Variants in CSRNP3 observed in about 807,000 individuals in gnomAD.
The protein encoded by CSRNP3 is cysteine and serine rich nuclear protein 3.
CSRNP3 carries 12 observed loss-of-function variants against 48.0 expected under a neutral mutation model. That is an observed-to-expected ratio of 0.25 (90% confidence interval 0.16 to 0.41). The LOEUF (loss-of-function observed/expected upper bound fraction) is 0.41. Among genes scored for constraint, CSRNP3 ranks in the 10% least tolerant of loss-of-function variants. CSRNP3 has a pLI of 1.00. For missense variants in CSRNP3, 580 were observed against 724.4 expected (o/e 0.80, Z 2.29); for synonymous variants, 263 against 269.7 (o/e 0.98, Z 0.24).
chr2:165,615,509 C>T (rs1316397014), intron 4 of CSRNP3, among the ~76,000 whole-genome samples: 2 of 150,166 alleles, frequency 1.3e-5, no homozygotes, highest in Non-Finnish European at 3.0e-5. Context: ...CGCCACTGCA[C>T]TCTAGCCTCG....
intron 4 of CSRNP3, among the ~76,000 whole-genome samples, chr2:165,631,898 G>A (rs1252065637): frequency 6.6e-6 from 1 of 152,196 alleles, no homozygotes; most frequent in Non-Finnish European, 1.5e-5. Flanking sequence ...AAAGCCAAAT[G>A]GTTAATATCT....
At chr2:165,531,790 A>C (rs1684814569) in intron 3 of CSRNP3, among the ~76,000 whole-genome samples, 1 of 152,188 alleles carries the variant, frequency 6.6e-6, no homozygotes. Flanking sequence ...TGAAAAGATC[A>C]ACAAAATTGA....
chr2:165,532,085 A>G (rs1684820652), intron 3 of CSRNP3, among the ~76,000 whole-genome samples: 1 of 152,176 alleles, frequency 6.6e-6, no homozygotes, highest in Non-Finnish European at 1.5e-5. Flanking sequence ...CCAACCAAAA[A>G]AAGTCCAGGA....
intron 2 of CSRNP3, among the ~76,000 whole-genome samples, chr2:165,495,889 ACTCACCAAAACAG>A (rs1684277370): frequency 6.6e-6 from 1 of 151,868 alleles, no homozygotes; most frequent in African/African-American, 2.4e-5. Context: ...GGGAGTTTAA[ACTCACCAAAACAG>A]CCTTAATGGG....
intron 3 of CSRNP3, among the ~76,000 whole-genome samples, chr2:165,579,992 A>G (rs1447674371): frequency 7.3e-6 from 1 of 136,838 alleles, no homozygotes; most frequent in African/African-American, 2.8e-5. Flanking sequence ...GCAATGGCGT[A>G]ATCTCGGCTC....
intron 3 of CSRNP3, among the ~76,000 whole-genome samples, chr2:165,545,663 G>T (rs1685014607): frequency 1.3e-5 from 2 of 152,072 alleles, no homozygotes; most frequent in Non-Finnish European, 1.5e-5. Context: ...TTTACTCTGT[G>T]TACCTGGTGC....
At chr2:165,674,681 AATATATATATATAT>A (rs59117817) in intron 5 of CSRNP3, among the ~76,000 whole-genome samples, 23 of 103,232 alleles carry the variant, frequency 2.2e-4, no homozygotes, top group African/African-American at 4.7e-4. Flanking sequence ...AATACTTCTG[AATATATATATATAT>A]ATATATATAT....
intron 3 of CSRNP3, among the ~76,000 whole-genome samples, chr2:165,560,717 C>T (rs1685223738): frequency 6.6e-6 from 1 of 152,166 alleles, no homozygotes; most frequent in Non-Finnish European, 1.5e-5. Flanking sequence ...GTTCAGTAAT[C>T]AGGTGTACTC....
intron 2 of CSRNP3, among the ~76,000 whole-genome samples, chr2:165,516,714 C>T (rs1235807205): frequency 3.3e-5 from 5 of 152,044 alleles, no homozygotes; most frequent in Admixed American, 2.6e-4. Context: ...ACTCAATAAC[C>T]TCTATTAGCT....
chr2:165,505,186 G>A (rs1403883336), intron 2 of CSRNP3, among the ~76,000 whole-genome samples: 8 of 151,882 alleles, frequency 5.3e-5, no homozygotes, highest in African/African-American at 9.7e-5. Context: ...AAGTCAAAAC[G>A]AAAAAACAAG....
At chr2:165,523,382 C>T (rs1684689332) in intron 3 of CSRNP3, among the ~76,000 whole-genome samples, 1 of 152,146 alleles carries the variant, frequency 6.6e-6, no homozygotes, top group African/African-American at 2.4e-5. Flanking sequence ...CAACCTCTTT[C>T]TTCACCACCA....
intron 2 of CSRNP3, among the ~76,000 whole-genome samples, chr2:165,505,958 G>A (rs1684420211): frequency 6.6e-6 from 1 of 152,076 alleles, no homozygotes; most frequent in African/African-American, 2.4e-5. Flanking sequence ...ATCTATCTTA[G>A]ATAAAACAGA....
At chr2:165,632,241 G>A (rs1686549926) in intron 4 of CSRNP3, among the ~76,000 whole-genome samples, 1 of 152,190 alleles carries the variant, frequency 6.6e-6, no homozygotes, top group Non-Finnish European at 1.5e-5. Context: ...AAAGTGAAGT[G>A]CCAGGCATGG....
Position 165,679,890 on chromosome 2 carries a change from T to C in CSRNP3, c.*137T>C. On this transcript the variant is annotated 3_prime_UTR_variant, in exon 7 of 7. Coordinates refer to ENST00000651982, the MANE Select transcript of CSRNP3 (RefSeq NM_001172173.2). ...GTTAATCTTCCAGACTGTATTTTGT[T>C]TTTTCCTTTCTAGCCACATGACTGT... 7.8e-7 allele frequency: 1 copy of C among 1,276,864 alleles called. No individual in the cohort carries two copies. 79.1% of individuals were successfully genotyped at this position (1,276,864 alleles called of 1,614,324 possible). A position where few individuals can be genotyped will look rare whatever the true frequency, so the allele number is the denominator to read the frequency against.
intron 1 of CSRNP3, among the ~76,000 whole-genome samples, chr2:165,472,788 T>G (rs1195785493): frequency 6.6e-6 from 1 of 152,104 alleles, no homozygotes; most frequent in Non-Finnish European, 1.5e-5. Context: ...TCTATTAGAT[T>G]CAATGTTAGC....
intron 4 of CSRNP3, among the ~76,000 whole-genome samples, chr2:165,631,869 A>G (rs1357675729): frequency 6.6e-6 from 1 of 152,266 alleles, no homozygotes; most frequent in Non-Finnish European, 1.5e-5. Flanking sequence ...AACTAGTTTC[A>G]AGAGACTGAA....
At chr2:165,580,922 A>T (rs1182688170) in intron 3 of CSRNP3, among the ~76,000 whole-genome samples, 1 of 151,714 alleles carries the variant, frequency 6.6e-6, no homozygotes, top group East Asian at 1.9e-4. Flanking sequence ...TAGGCTAAGT[A>T]CTATTCTTTA....
At chr2:165,586,885 C>T (rs868619543) in intron 3 of CSRNP3, among the ~76,000 whole-genome samples, 3 of 152,222 alleles carry the variant, frequency 2.0e-5, no homozygotes, top group Admixed American at 2.0e-4. Flanking sequence ...TATCCGTCCT[C>T]TTGATTTGAC....
intron 2 of CSRNP3, among the ~76,000 whole-genome samples, chr2:165,507,737 G>A (rs573335426): frequency 1.3e-5 from 2 of 152,220 alleles, no homozygotes; most frequent in African/African-American, 4.8e-5. Flanking sequence ...CTTCTGGGGC[G>A]TAATGAAAGT....
Sources: gnomAD v4.1 joint callset for allele counts (sites outside exome capture counted in the v4.1 genomes callset) on GRCh38, gnomAD v4.1.1 for gene constraint, MANE v1.5 for transcripts, NCBI Gene and HGNC (gene_info 2026-07-23, HGNC 2026-07-21) for gene names.